The following DHX30 variants were observed in gnomAD, a reference collection of about 807,000 sequenced individuals.
The protein encoded by DHX30 is DExH-box helicase 30.
A neutral mutation model predicts 116.9 loss-of-function variants in DHX30; 4 were observed. The ratio of observed to expected loss-of-function variants is 0.03; its 90% CI spans 0.02 to 0.08. The LOEUF is 0.08. Among genes scored for constraint, DHX30 ranks in the 10% least tolerant of loss-of-function variants. The pLI, the probability that DHX30 is intolerant of heterozygous loss-of-function variation, is 1.00. For synonymous variants in DHX30, 697 were observed against 651.7 expected (o/e 1.07, Z -1.06); for missense variants, 871 against 1,595.1 (o/e 0.55, Z 7.73).
intron 6 of DHX30, among the ~76,000 whole-genome samples, chr3:47,839,908 C>G (rs1327729274): frequency 6.6e-6 from 1 of 152,056 alleles, no homozygotes; most frequent in African/African-American, 2.4e-5. Flanking sequence ...CTCCTGACCT[C>G]GAGTAGTCCA....
intron 3 of DHX30, among the ~76,000 whole-genome samples, chr3:47,814,023 TTTA>T (rs1202114891): frequency 6.6e-6 from 1 of 151,528 alleles, no homozygotes; most frequent in Non-Finnish European, 1.5e-5. Context: ...ACCAGTGGGC[TTTA>T]TTGTCTACCC....
chr3:47,843,773 A>T (rs1298505969), intron 9 of DHX30, among the ~76,000 whole-genome samples: 1 of 152,166 alleles, frequency 6.6e-6, no homozygotes, highest in African/African-American at 2.4e-5. Context: ...ATCATGGCTC[A>T]CTGCAGCCTC....
chr3:47,811,547 T>C (rs2035790063), intron 3 of DHX30, among the ~76,000 whole-genome samples: 2 of 152,118 alleles, frequency 1.3e-5, no homozygotes, highest in Admixed American at 6.6e-5. Flanking sequence ...TGTTCTTGCA[T>C]TGGTATAAAA....
At chr3:47,812,945 G>A (rs951042850) in intron 3 of DHX30, among the ~76,000 whole-genome samples, 4 of 151,716 alleles carry the variant, frequency 2.6e-5, no homozygotes, top group African/African-American at 9.7e-5. Flanking sequence ...GATTACAGGC[G>A]TGAGCCACCA....
In DHX30 at chr3:47,845,831, G is replaced by T; in HGVS notation, c.1071G>T (p.Lys357Asn). 6.2e-7 allele frequency: 1 copy of T among 1,608,302 alleles called. No homozygotes were observed. Among genetic ancestry groups the T allele is most frequent in the Non-Finnish European group, 8.5e-7 (1 of 1,175,286 alleles). Reference protein sequence around the residue: ...TIQVPEPILRKIETFLNHYPV... With the variant: ...TIQVPEPILRNIETFLNHYPV... ...AGGTGCCCGAGCCCATCCTCCGCAA[G>T]ATAGAGACCTTCCTGAACCATGTAA... Residue 357 changes from lysine (K) to asparagine (N), a missense_variant, in exon 10 of 22, where the codon AAG (lysine) becomes AAT (asparagine). Physicochemically the swap from Lys to Asn is moderately conservative, Grantham distance 94. This residue lies in a region of DHX30 where 175 missense variants were observed against 292.9 expected (regional missense o/e 0.60). Coordinates refer to ENST00000445061, the MANE Select transcript of DHX30 (RefSeq NM_138615.3).
chr3:47,829,558 G>A (rs1318793731), intron 6 of DHX30, among the ~76,000 whole-genome samples: 3 of 151,540 alleles, frequency 2.0e-5, no homozygotes, highest in Admixed American at 2.0e-4. Flanking sequence ...TGGCCAGGCT[G>A]GTCTTGAACT....
At chr3:47,825,524 C>T (rs1399819707) in intron 4 of DHX30, among the ~76,000 whole-genome samples, 1 of 152,204 alleles carries the variant, frequency 6.6e-6, no homozygotes, top group East Asian at 1.9e-4. Flanking sequence ...CCAACTCCTG[C>T]CAGGATGAGT....
chr3:47,819,242 C>G (rs773509677), intron 4 of DHX30: 2 of 1,367,612 alleles, frequency 1.5e-6, no homozygotes, highest in African/African-American at 1.5e-5. Context: ...AAAGGCTGAA[C>G]GTTAACATTT....
At chr3:47,815,171 A>T (rs1427464960) in intron 3 of DHX30, among the ~76,000 whole-genome samples, 6 of 152,190 alleles carry the variant, frequency 3.9e-5, no homozygotes. Context: ...GCTTTCCCTA[A>T]TACTAGCAAG....
At chr3:47,843,658 G>A (rs1169986306) in intron 9 of DHX30, among the ~76,000 whole-genome samples, 3 of 152,190 alleles carry the variant, frequency 2.0e-5, no homozygotes, top group Non-Finnish European at 1.5e-5. Flanking sequence ...AGTGATGATT[G>A]AGGAAGCAGT....
At chr3:47,819,097 G>A in intron 4 of DHX30, 1 of 644,578 alleles carries the variant, frequency 1.6e-6, no homozygotes, top group Non-Finnish European at 2.5e-6. Flanking sequence ...ACTACTGACA[G>A]CAGGATAGAA....
chr3:47,818,017 C>T lies in DHX30; in HGVS notation c.29-5C>T, dbSNP rs750500521. On this transcript the variant is annotated splice_polypyrimidine_tract_variant and splice_region_variant and intron_variant, in intron 3 of 21. Transcript: ENST00000445061. ...GTCGCCCTGATGCCCTCTCTCTTTC[C>T]CCAGATCGGGCCCAGCACAGGCAGC... 7.7e-6 allele frequency: 6 copies of T among 780,944 alleles called. No homozygotes were observed. The East Asian group carries it at 1.5e-4, about 19-fold the overall frequency. 48.4% of individuals were successfully genotyped at this position (780,944 alleles called of 1,614,324 possible).
chr3:47,846,425 G>C lies in DHX30; in HGVS notation c.1353G>C (p.Pro451=). 6.2e-7 allele frequency: 1 copy of C among 1,614,118 alleles called. No homozygotes were observed. Among genetic ancestry groups the C allele is most frequent in the Non-Finnish European group, 8.5e-7 (1 of 1,180,036 alleles). The part of the protein sequence containing the change: ...DTILNAIEQH[P]VVVISGDTGC... The stretch of plus-strand genomic sequence containing the variant: ...TCCTCAACGCCATTGAGCAGCACCC[G>C]GTGGTGGTCATCTCTGGGGACACGG... Residue 451 remains proline (P), a synonymous_variant, in exon 11 of 22, where the codon CCG becomes CCC. Transcript: ENST00000445061.
intron 1 of DHX30, 148 bp from the exon 2 acceptor site, chr3:47,805,178 G>A: frequency 2.5e-6 from 1 of 394,578 alleles, no homozygotes; most frequent in Non-Finnish European, 4.5e-6. Context: ...GTCATGGTAA[G>A]TCCTGATTTG....
In DHX30 at chr3:47,847,426, T is replaced by C. The variant is rs2037665289; in HGVS notation, c.2006-6T>C. On this transcript the variant is annotated splice_polypyrimidine_tract_variant and splice_region_variant and intron_variant, in intron 12 of 21. Transcript: ENST00000445061. This position sits in a 1 kb window ranked among gnomAD's most constrained non-coding sequence, Gnocchi z 5.5. ...AGCTGGCTCATGCCCCAGGGCTCCT[T>C]TACAGGTGGGATCCTGTGCTTCCTG... 6.2e-7 allele frequency: 1 copy of C among 1,613,648 alleles called. No homozygotes were observed. The highest frequency in any genetic ancestry group is 1.3e-5 in the African/African-American group (1 of 75,068).
chr3:47,849,814 C>T (rs1576531579), intron 21 of DHX30, 45 bp downstream of exon 21: 4 of 1,607,856 alleles, frequency 2.5e-6, no homozygotes, highest in Non-Finnish European at 3.4e-6. Context: ...TGCAGCTGCT[C>T]CTCCGGGGCC....
intron 3 of DHX30, among the ~76,000 whole-genome samples, chr3:47,812,616 C>T (rs2035851130): frequency 6.6e-6 from 1 of 151,474 alleles, no homozygotes; most frequent in South Asian, 2.1e-4. Context: ...AGTAGCAAGC[C>T]ATGAGGGATC....
At position 47,849,525 on chromosome 3, in the gene DHX30, C is replaced by T; in HGVS notation, c.3162C>T (p.Asn1054=). 6.2e-7 allele frequency: 1 copy of T among 1,606,516 alleles called. No homozygotes were observed. Residue 1054 remains asparagine, a synonymous_variant, in exon 20 of 22, where the codon AAC becomes AAT. Transcript: ENST00000445061. ...TCACATATAGGACCAAATCAGGCAA[C>T]ATCCTGCTGCACAAGTCGACCATTA... ...NSVTYRTKSG[N]ILLHKSTINR... is the part of the protein sequence containing the mutation.
rs369198407 is a variant in DHX30 at position 47,849,855 on chromosome 3, C to T, written c.3332-12C>T. ...TCACCACAGTTCCCCACCATCTTTTCCATTCCCTCAGATGACGGGCGCCGG... is the reference window on the plus strand; with the variant it reads ...TCACCACAGTTCCCCACCATCTTTTTCATTCCCTCAGATGACGGGCGCCGG... On this transcript the variant is annotated splice_polypyrimidine_tract_variant and intron_variant, in intron 21 of 21. Coordinates refer to ENST00000445061, the MANE Select transcript of DHX30 (RefSeq NM_138615.3). The T allele has an allele frequency of 3.7e-6, 6 of 1,611,338 alleles. No individual in the cohort carries two copies. In the African/African-American group the frequency reaches 8.0e-5, roughly 22 times the overall value.
Sources: gnomAD v4.1 joint callset for allele counts (sites outside exome capture counted in the v4.1 genomes callset) on GRCh38, gnomAD v4.1.1 for gene constraint, gnomAD v4.1.1 regional missense constraint, Gnocchi (gnomAD v3.1) non-coding constraint, MANE v1.5 for transcripts, NCBI Gene and HGNC (gene_info 2026-07-23, HGNC 2026-07-21) for gene names.